The following BUB1B variants were observed in gnomAD, a reference collection of about 807,000 sequenced individuals.
The protein encoded by BUB1B is mitotic checkpoint serine/threonine-protein kinase BUB1 beta.
Under a neutral mutation model 137.7 loss-of-function variants are expected in BUB1B, and 86 were observed. The ratio of observed to expected loss-of-function variants is 0.62; its 90% confidence interval spans 0.52 to 0.75. The LOEUF is 0.75. Among genes scored for constraint, BUB1B ranks in the 30% least tolerant of loss-of-function variants. The pLI is 0.00. For synonymous variants in BUB1B, 420 were observed against 417.9 expected (o/e 1.00, Z -0.06); for missense variants, 1,130 against 1,236.9 (o/e 0.91, Z 1.30).
intron 8 of BUB1B, among the ~76,000 whole-genome samples, chr15:40,189,956 A>C (rs2140894337): frequency 6.6e-6 from 1 of 152,282 alleles, no homozygotes; most frequent in Non-Finnish European, 1.5e-5. Flanking sequence ...CCTGGTGACT[A>C]ATGATGTTGA....
Position 40,200,229 on chromosome 15 carries a change from A to G in BUB1B, c.1402-15A>G. 1 of 1,586,518 alleles carries G rather than the reference A, an allele frequency of 6.3e-7. No individual in the cohort carries two copies. The highest frequency in any genetic ancestry group is 8.6e-7 in the Non-Finnish European group (1 of 1,156,188). On this transcript the variant is annotated splice_polypyrimidine_tract_variant and intron_variant, in intron 10 of 22. Coordinates refer to ENST00000287598, the MANE Select transcript of BUB1B (RefSeq NM_001211.6). ...GATGGGAGGGACATTGATTTTGTTT[A>G]TTTAATGCAAACAGCAAGAAGAGAC...
chr15:40,174,963 C>CA (rs1184539029), intron 4 of BUB1B, among the ~76,000 whole-genome samples: 2 of 149,382 alleles, frequency 1.3e-5, no homozygotes, highest in African/African-American at 2.5e-5. Context: ...GACTCTGTCT[C>CA]AAAAAAAAGG....
rs1595526383 is a variant in BUB1B, at chr15:40,196,689, G to C, written c.1203G>C (p.Glu401Asp). ...AAGAGAAGATGATGTATTGTAAGGA[G>C]AAGATTTATGCAGGAGTAGGGGAAT... is the stretch of plus-strand genomic sequence containing the variant. ...EKKEKMMYCK[E>D]KIYAGVGEFS... Residue 401 changes from glutamate to aspartate, a missense_variant, in exon 9 of 23, where the codon GAG (glutamate) becomes GAC (aspartate). Transcript: ENST00000287598. The C allele has an allele frequency of 6.2e-7, 1 of 1,614,080 alleles. No homozygotes were observed. Among genetic ancestry groups the C allele is most frequent in the Non-Finnish European group, 8.5e-7 (1 of 1,179,958 alleles).
intron 15 of BUB1B, among the ~76,000 whole-genome samples, chr15:40,208,181 T>C (rs563433481): frequency 1.3e-5 from 2 of 151,718 alleles, no homozygotes; most frequent in Admixed American, 6.6e-5. Flanking sequence ...TAACAAATTA[T>C]AAATTATTTA....
Position 40,213,453 on chromosome 15 carries a change from G to A in BUB1B, c.2657G>A (p.Arg886Lys). 2 of 1,614,146 alleles carry A rather than the reference G, an allele frequency of 1.2e-6. No individual in the cohort carries two copies. Among genetic ancestry groups the A allele is most frequent in the Non-Finnish European group, 1.7e-6 (2 of 1,180,016 alleles). ...AEIVHGDLSP[R>K]CLILRNRIHD... ...ATAGTCCATGGTGACTTGAGTCCAA[G>A]GTGTCTGATTCTCAGAAACAGGTTG... The change falls in exon 20 of 23, where the codon AGG becomes AAG. Residue 886 changes from arginine (R) to lysine (K), a missense_variant. Transcript: ENST00000287598.
Position 40,183,898 on chromosome 15 carries a change from C to T in BUB1B, c.751+15C>T, listed in dbSNP as rs74499462. ...TGCTCTCAAGGGTAAGTTTGTTAAA[C>T]GTTATTTCGGAAAACTGTTAGTTTC... On this transcript the variant is annotated intron_variant, in intron 6 of 22. Transcript: ENST00000287598. 2,553 of 1,613,068 alleles carry T rather than the reference C, an allele frequency of 1.6e-3. 45 individuals are homozygous for T. The Admixed American group carries it at 0.032, about 20-fold the overall frequency.
intron 4 of BUB1B, among the ~76,000 whole-genome samples, chr15:40,174,463 G>A (rs1167009056): frequency 6.6e-6 from 1 of 152,178 alleles, no homozygotes; most frequent in Admixed American, 6.5e-5. Flanking sequence ...AATGTCTTCT[G>A]AGTTTGTAGA....
intron 5 of BUB1B, among the ~76,000 whole-genome samples, chr15:40,180,837 A>T (rs1489825678): frequency 6.7e-6 from 1 of 148,766 alleles, no homozygotes; most frequent in African/African-American, 2.5e-5. Context: ...TTTAGTAGAG[A>T]TGGGGTTTCA....
chr15:40,190,580 C>T (rs1166468994), intron 8 of BUB1B, among the ~76,000 whole-genome samples: 1 of 152,154 alleles, frequency 6.6e-6, no homozygotes. Context: ...CGCCACTGTA[C>T]TCCACCCTAG....
At chr15:40,197,473 A>C (rs1292009931) in intron 9 of BUB1B, among the ~76,000 whole-genome samples, 1 of 152,116 alleles carries the variant, frequency 6.6e-6, no homozygotes, top group Admixed American at 6.6e-5. Flanking sequence ...AAGGAGAATA[A>C]AGAAGGGTAC....
At chr15:40,165,881 C>A (rs2037090129) in intron 2 of BUB1B, among the ~76,000 whole-genome samples, 1 of 149,126 alleles carries the variant, frequency 6.7e-6, no homozygotes, top group Admixed American at 6.7e-5. Flanking sequence ...ATGACAGGGT[C>A]TCCCTCTATC....
intron 1 of BUB1B, among the ~76,000 whole-genome samples, chr15:40,161,948 A>G (rs1348681166): frequency 1.3e-5 from 2 of 152,244 alleles, no homozygotes; most frequent in African/African-American, 4.8e-5. Context: ...TGCAGCAAAT[A>G]TACAGACACA....
rs1249369516 is a variant in BUB1B, at chr15:40,183,856, A to G, written c.724A>G (p.Ile242Val). The G allele has an allele frequency of 9.9e-6, 16 of 1,614,014 alleles. No individual in the cohort carries two copies. Among genetic ancestry groups the G allele is most frequent in the Middle Eastern group, 1.6e-4 (1 of 6,084 alleles). Residue 242 changes from isoleucine to valine, a missense_variant, in exon 6 of 23, where the codon ATC becomes GTC. Ile to Val is a conservative substitution (Grantham distance 29, BLOSUM62 3). Coordinates refer to ENST00000287598, the MANE Select transcript of BUB1B (RefSeq NM_001211.6). ...AGGGAAAAAGACAGCAAGAGCTCCA[A>G]TCATCCGTGTAGGAGGTGCTCTCAA... is the stretch of plus-strand genomic sequence containing the variant. ...SKGKKTARAP[I>V]IRVGGALKAP... is the part of the protein sequence containing the mutation.
At chr15:40,185,044 T>G in intron 6 of BUB1B, 121 bp from the exon 7 acceptor site, 1 of 749,306 alleles carries the variant, frequency 1.3e-6, no homozygotes, top group Non-Finnish European at 2.1e-6. Context: ...AAAATTTCTT[T>G]TTTTTTTTCT....
intron 9 of BUB1B, among the ~76,000 whole-genome samples, chr15:40,196,999 C>T (rs568915000): frequency 1.3e-5 from 2 of 152,298 alleles, no homozygotes; most frequent in African/African-American, 4.8e-5. Context: ...TCCATGAAAA[C>T]TCCTTGGGGT....
At chr15:40,181,801 T>C (rs1269560941) in intron 5 of BUB1B, among the ~76,000 whole-genome samples, 1 of 152,242 alleles carries the variant, frequency 6.6e-6, no homozygotes, top group Non-Finnish European at 1.5e-5. Context: ...CTAAAATTTC[T>C]GTTTCATTCT....
At chr15:40,178,938 A>G (rs1411806140) in intron 5 of BUB1B, among the ~76,000 whole-genome samples, 1 of 151,954 alleles carries the variant, frequency 6.6e-6, no homozygotes, top group Admixed American at 6.6e-5. Flanking sequence ...TTGTATAATC[A>G]TCATTACAAT....
intron 8 of BUB1B, among the ~76,000 whole-genome samples, chr15:40,193,020 AT>A (rs879696225): frequency 5.5e-4 from 79 of 144,844 alleles, no homozygotes; most frequent in East Asian, 6.0e-4. Flanking sequence ...CTGGCTTATT[AT>A]TTTTTTTTTT....
rs2037693999 is a variant in BUB1B, at chr15:40,210,211, G to T, written c.2385+1G>T. ...CTCTGCAGAATTAACAGTAATAAAG[G>T]TGGGACTGATTCTTTATAATTTCAG... On this transcript the variant is annotated splice_donor_variant, in intron 18 of 22. Coordinates refer to ENST00000287598, the MANE Select transcript of BUB1B (RefSeq NM_001211.6). LOFTEE classifies it high-confidence loss of function. The T allele has an allele frequency of 6.3e-7, 1 of 1,583,726 alleles. No homozygotes were observed.
Sources: allele counts gnomAD v4.1 joint callset (sites outside exome capture counted in the v4.1 genomes callset), GRCh38; gene constraint gnomAD v4.1.1; transcripts MANE v1.5; gene names NCBI Gene and HGNC (gene_info 2026-07-23, HGNC 2026-07-21).